The following TASP1 variants were observed in gnomAD, a reference collection of about 807,000 sequenced individuals.
TASP1 encodes the protein threonine aspartase 1.
Under a neutral mutation model 56.6 loss-of-function variants are expected in TASP1, and 16 were observed. That is an observed-to-expected ratio of 0.28 (90% CI 0.19 to 0.43). TASP1 has a LOEUF of 0.43. Ranked by LOEUF, TASP1 falls within the 20% of genes least tolerant of loss-of-function variation. The pLI is 1.00. For synonymous variants in TASP1, 179 were observed against 184.2 expected (o/e 0.97, Z 0.23); for missense variants, 393 against 511.6 (o/e 0.77, Z 2.24).
intron 8 of TASP1, among the ~76,000 whole-genome samples, chr20:13,549,691 T>C (rs367996137): frequency 1.4e-4 from 21 of 152,268 alleles, no homozygotes; most frequent in East Asian, 7.7e-4. Context: ...TTCCATTCAC[T>C]GGAGATATTT....
intron 6 of TASP1, among the ~76,000 whole-genome samples, chr20:13,578,267 A>G (rs2046999888): frequency 6.6e-6 from 1 of 151,098 alleles, no homozygotes; most frequent in African/African-American, 2.4e-5. Flanking sequence ...ATGTATTTAT[A>G]TCTCATTAAT....
the TASP1 span, among the ~76,000 whole-genome samples, chr20:13,223,663 C>T: frequency 6.6e-6 from 1 of 152,170 alleles, no homozygotes; most frequent in Non-Finnish European, 1.5e-5. Flanking sequence ...TGTGGGTTCT[C>T]TCACCTTCTC....
intron 8 of TASP1, 64 bp from the exon 9 acceptor site, chr20:13,534,205 A>G (rs2045330501): frequency 2.5e-6 from 4 of 1,571,562 alleles, no homozygotes; most frequent in Non-Finnish European, 3.5e-6. Flanking sequence ...ATATGACTAC[A>G]TAGCACTTTT....
intron 13 of TASP1, among the ~76,000 whole-genome samples, chr20:13,407,901 C>G (rs1208615557): frequency 1.3e-5 from 2 of 152,142 alleles, no homozygotes; most frequent in Admixed American, 6.5e-5. Flanking sequence ...CTACTCAGAT[C>G]TCATGCCCAT....
chr20:13,411,139 A>G (rs941192215), intron 13 of TASP1, among the ~76,000 whole-genome samples: 1 of 152,148 alleles, frequency 6.6e-6, no homozygotes, highest in Admixed American at 6.5e-5. Flanking sequence ...AGTTGGCTAT[A>G]AAGGTATGGA....
chr20:13,349,603 G>A, the TASP1 span, among the ~76,000 whole-genome samples: 1 of 152,122 alleles, frequency 6.6e-6, no homozygotes, highest in Non-Finnish European at 1.5e-5. Flanking sequence ...TTTGTTTTAC[G>A]TGATCTGAAA....
chr20:13,110,286 C>G, the TASP1 span: 4 of 1,286,014 alleles, frequency 3.1e-6, no homozygotes, highest in Non-Finnish European at 4.4e-6. Context: ...CGGAAAGGCT[C>G]ACCTTTCCTA....
At chr20:13,379,598 T>C in the TASP1 span, among the ~76,000 whole-genome samples, 6 of 152,160 alleles carry the variant, frequency 3.9e-5, no homozygotes, top group Admixed American at 3.9e-4. Flanking sequence ...GTTCTCTATA[T>C]TTCCTACATT....
At chr20:13,418,694 G>A (rs1484244703) in intron 12 of TASP1, among the ~76,000 whole-genome samples, 2 of 152,188 alleles carry the variant, frequency 1.3e-5, no homozygotes, top group Non-Finnish European at 2.9e-5. Context: ...GTTCACTGTG[G>A]AAACACTTGA....
intron 8 of TASP1, among the ~76,000 whole-genome samples, chr20:13,535,733 G>C (rs1337978716): frequency 6.6e-6 from 1 of 152,132 alleles, no homozygotes; most frequent in African/African-American, 2.4e-5. Flanking sequence ...CTGTATCCCT[G>C]GTGGTACAAA....
At chr20:13,496,174 C>CT (rs1184241222) in intron 10 of TASP1, among the ~76,000 whole-genome samples, 4 of 152,134 alleles carry the variant, frequency 2.6e-5, no homozygotes, top group African/African-American at 9.7e-5. Flanking sequence ...CTGCCTCAGC[C>CT]TCCTGAGGAG....
chr20:13,593,701 G>A (rs1190964477), intron 4 of TASP1, among the ~76,000 whole-genome samples: 1 of 152,210 alleles, frequency 6.6e-6, no homozygotes, highest in Non-Finnish European at 1.5e-5. Context: ...TGGCTGGGAA[G>A]CTCGAACTGG....
chr20:13,429,304 TG>T (rs1259621590), intron 12 of TASP1, among the ~76,000 whole-genome samples: 1 of 152,164 alleles, frequency 6.6e-6, no homozygotes, highest in Non-Finnish European at 1.5e-5. Context: ...AGACTTGTAT[TG>T]GCCCAGAGCT....
At chr20:13,421,300 C>A (rs1228936174) in intron 12 of TASP1, among the ~76,000 whole-genome samples, 1 of 151,888 alleles carries the variant, frequency 6.6e-6, no homozygotes, top group Non-Finnish European at 1.5e-5. Flanking sequence ...GTTTCGAACT[C>A]TTGACCTCAG....
chr20:13,176,569 A>G, the TASP1 span, among the ~76,000 whole-genome samples: 1 of 152,108 alleles, frequency 6.6e-6, no homozygotes, highest in Non-Finnish European at 1.5e-5. Flanking sequence ...TCACTTGATC[A>G]TGGTGTATTT....
At chr20:13,553,730 G>C (rs1461171636) in intron 8 of TASP1, among the ~76,000 whole-genome samples, 2 of 152,060 alleles carry the variant, frequency 1.3e-5, no homozygotes, top group Admixed American at 6.6e-5. Context: ...ATATTACTTT[G>C]TATTAACAAG....
chr20:13,621,976 T>G (rs1465411729), intron 4 of TASP1, among the ~76,000 whole-genome samples: 1 of 152,174 alleles, frequency 6.6e-6, no homozygotes, highest in African/African-American at 2.4e-5. Context: ...AAGGTAACAT[T>G]TGGTGGTAAA....
chr20:13,552,281 T>C (rs2046005310), intron 8 of TASP1, among the ~76,000 whole-genome samples: 5 of 152,174 alleles, frequency 3.3e-5, no homozygotes, highest in Admixed American at 3.3e-4. Context: ...AATCATGACA[T>C]TCTTTGAAAG....
At chr20:13,218,937 TACA>T in the TASP1 span, among the ~76,000 whole-genome samples, 3 of 152,382 alleles carry the variant, frequency 2.0e-5, no homozygotes, top group African/African-American at 7.2e-5. Context: ...TTACAATTTT[TACA>T]ACATTTTACA....
Sources: gnomAD v4.1 joint callset for allele counts (sites outside exome capture counted in the v4.1 genomes callset) on GRCh38, gnomAD v4.1.1 for gene constraint, MANE v1.5 for transcripts, NCBI Gene and HGNC (gene_info 2026-07-23, HGNC 2026-07-21) for gene names.